KMO: variants seen among roughly 807,000 people sequenced by gnomAD.
The protein encoded by KMO is kynurenine 3-monooxygenase, also known as kynurenine 3-hydroxylase.
In KMO, 24 loss-of-function variants were observed where a neutral mutation model predicts 57.8. The observed-to-expected ratio is 0.42, with a 90% CI of 0.30 to 0.58. The LOEUF is 0.58. Ranked by LOEUF, KMO falls within the 20% of genes least tolerant of loss-of-function variation. KMO has a pLI of 0.22. For synonymous variants in KMO, 210 were observed against 193.6 expected, an observed-to-expected ratio of 1.08 and a Z score of -0.70; for missense variants, 483 against 588.2, an observed-to-expected ratio of 0.82 and a Z score of 1.85.
At chr1:241,575,642 A>G (rs1473028744) in intron 10 of KMO, among the ~76,000 whole-genome samples, 1 of 152,082 alleles carries the variant, frequency 6.6e-6, no homozygotes, top group Non-Finnish European at 1.5e-5. Flanking sequence ...ATAACTGGAT[A>G]TGATTTTGAT....
chr1:241,562,384 G>T (rs142162009), intron 7 of KMO, 52 bp downstream of exon 7: 1 of 1,561,734 alleles, frequency 6.4e-7, no homozygotes. Flanking sequence ...CTCCATGAGC[G>T]CGAATGCGTA....
In KMO at chr1:241,564,924, G is replaced by A. The variant is rs1485813795; in HGVS notation, c.616-63G>A. 3.0e-6 allele frequency: 3 copies of A among 992,486 alleles called. No homozygotes were observed. The Admixed American group carries it at 5.5e-5, about 18-fold the overall frequency. 61.5% of individuals were successfully genotyped at this position (992,486 alleles called of 1,614,324 possible). On this transcript the variant is annotated intron_variant, in intron 7 of 14. Transcript: ENST00000366559. ...TTACTGTGGAAACTATTATAAAGCT[G>A]AGTCCGTTTTATAGGTTTGCTATAT... is the stretch of plus-strand genomic sequence containing the variant.
chr1:241,549,266 A>AAGACGGAAAGAAAGAAAGG (rs1661296224), intron 2 of KMO, among the ~76,000 whole-genome samples: 1 of 117,556 alleles, frequency 8.5e-6, no homozygotes. Context: ...AGAAAGAAAG[A>AAGACGGAAAGAAAGAAAGG]AAGGAAGGAA....
chr1:241,536,303 A>G (rs1479083523), intron 1 of KMO, among the ~76,000 whole-genome samples: 1 of 152,346 alleles, frequency 6.6e-6, no homozygotes, highest in South Asian at 2.1e-4. Context: ...GCCTTACTTC[A>G]TGTTAGAGTG....
intron 10 of KMO, among the ~76,000 whole-genome samples, chr1:241,574,306 T>G (rs1042078564): frequency 2.0e-5 from 3 of 152,130 alleles, no homozygotes; most frequent in Non-Finnish European, 2.9e-5. Flanking sequence ...CAGAACTATG[T>G]TGAATAAAAG....
At position 241,535,216 on chromosome 1, in the gene KMO, T is replaced by C. The variant is rs147325370; in HGVS notation, c.54+2718T>C. On this transcript the variant is annotated intron_variant, in intron 1 of 14. Coordinates refer to ENST00000366559, the MANE Select transcript of KMO (RefSeq NM_003679.5). Reference sequence around the variant, plus strand: ...ATTCAAGAAGGTTAATGTCTTTACATAGAGGACAAGATTACATTTTTGCCC... The same window carrying C: ...ATTCAAGAAGGTTAATGTCTTTACACAGAGGACAAGATTACATTTTTGCCC... Among the ~76,000 whole-genome samples, 857 of 152,248 alleles carry C rather than the reference T, an allele frequency of 5.6e-3. 9 individuals are homozygous for C. Among genetic ancestry groups the C allele is most frequent in the African/African-American group, 0.02 (815 of 41,550 alleles).
intron 11 of KMO, among the ~76,000 whole-genome samples, chr1:241,587,249 G>C (rs889702345): frequency 6.6e-6 from 1 of 152,172 alleles, no homozygotes; most frequent in African/African-American, 2.4e-5. Flanking sequence ...GTTCACAATA[G>C]GGTTCACGCT....
intron 7 of KMO, among the ~76,000 whole-genome samples, chr1:241,562,769 G>C (rs61825642): frequency 0.17 from 25,597 of 151,944 alleles, 2,480 homozygotes; most frequent in Middle Eastern, 0.23. Context: ...AGCCCAGGAG[G>C]TCAAGGCTGC....
chr1:241,585,129 T>G lies in KMO; in HGVS notation c.958-1550T>G, dbSNP rs998166842. 3.9e-5 allele frequency among the ~76,000 whole-genome samples: 6 copies of G among 152,248 alleles called. No homozygotes were observed. In the East Asian group the frequency reaches 1.2e-3, roughly 29 times the overall value. On this transcript the variant is annotated intron_variant, in intron 10 of 14. Coordinates refer to ENST00000366559, the MANE Select transcript of KMO (RefSeq NM_003679.5). ...CTGTAGTCCCAACTACTTGGGAGGC[T>G]AAGGCAGGAGAATCGCTTGAACCTG...
intron 10 of KMO, among the ~76,000 whole-genome samples, chr1:241,580,089 C>T (rs1037216803): frequency 1.3e-5 from 2 of 152,166 alleles, no homozygotes; most frequent in African/African-American, 2.4e-5. Flanking sequence ...ATCCTGGAGG[C>T]AGGCTCTCAC....
chr1:241,545,464 TC>T (rs1661110613), intron 1 of KMO, among the ~76,000 whole-genome samples: 1 of 152,122 alleles, frequency 6.6e-6, no homozygotes, highest in Non-Finnish European at 1.5e-5. Context: ...AAAGATCTGT[TC>T]CGGGTCCCTC....
At chr1:241,568,714 C>T (rs189376551) in intron 10 of KMO, 67 bp downstream of exon 10, 120 of 1,462,568 alleles carry the variant, frequency 8.2e-5, no homozygotes, top group African/African-American at 1.4e-4. Context: ...ACAAGTCTTA[C>T]GTAAAAAATA....
intron 10 of KMO, among the ~76,000 whole-genome samples, chr1:241,581,119 A>AT (rs1263224205): frequency 2.0e-5 from 3 of 151,924 alleles, no homozygotes; most frequent in Non-Finnish European, 4.4e-5. Flanking sequence ...CTTGAAATCC[A>AT]TTTTGTCTCA....
chr1:241,540,571 G>A (rs1044674090), intron 1 of KMO, among the ~76,000 whole-genome samples: 3 of 152,140 alleles, frequency 2.0e-5, no homozygotes, highest in Non-Finnish European at 4.4e-5. Context: ...AGTAAATTTA[G>A]TATGCCTATT....
chr1:241,563,368 A>C (rs1262653393), intron 7 of KMO, among the ~76,000 whole-genome samples: 2 of 152,254 alleles, frequency 1.3e-5, no homozygotes, highest in Non-Finnish European at 2.9e-5. Context: ...TACATTTTTA[A>C]GATGCTGATT....
rs754714766 is a variant in KMO at position 241,568,494 on chromosome 1, T to C, written c.810-6T>C. On this transcript the variant is annotated splice_polypyrimidine_tract_variant and splice_region_variant and intron_variant, in intron 9 of 14. Transcript: ENST00000366559. Reference sequence around the variant, plus strand: ...GTCTTTATATTCGGATTATTTTCCTTTGAAGGAAACTCCTAGTGCAAGATT... The same window carrying C: ...GTCTTTATATTCGGATTATTTTCCTCTGAAGGAAACTCCTAGTGCAAGATT... 6.2e-7 allele frequency: 1 copy of C among 1,613,360 alleles called. No homozygotes were observed. Among genetic ancestry groups the C allele is most frequent in the Non-Finnish European group, 8.5e-7 (1 of 1,179,404 alleles).
intron 5 of KMO, among the ~76,000 whole-genome samples, chr1:241,558,478 A>C (rs1661719300): frequency 6.6e-6 from 1 of 152,208 alleles, no homozygotes; most frequent in African/African-American, 2.4e-5. Context: ...CTCTGAAAAC[A>C]TTGTTGCTAC....
intron 12 of KMO, among the ~76,000 whole-genome samples, chr1:241,589,672 A>G (rs2147986732): frequency 6.6e-6 from 1 of 152,356 alleles, no homozygotes; most frequent in Non-Finnish European, 1.5e-5. Context: ...ATTACAAAAC[A>G]ACCAGGAAGC....
At chr1:241,582,218 G>A (rs1394189994) in intron 10 of KMO, among the ~76,000 whole-genome samples, 1 of 152,016 alleles carries the variant, frequency 6.6e-6, no homozygotes, top group East Asian at 1.9e-4. Context: ...ACCTTTGAGA[G>A]TTCCATTAAT....
Sources: allele counts gnomAD v4.1 joint callset (sites outside exome capture counted in the v4.1 genomes callset), GRCh38; gene constraint gnomAD v4.1.1; transcripts MANE v1.5; gene names NCBI Gene and HGNC (gene_info 2026-07-23, HGNC 2026-07-21).